The following STK32A variants were observed in gnomAD, a reference collection of about 807,000 sequenced individuals.
STK32A encodes serine/threonine kinase 32A, also known as serine/threonine-protein kinase 32A.
In STK32A, 41 loss-of-function variants were observed where a neutral mutation model predicts 53.2. The ratio of observed to expected loss-of-function variants is 0.77; its 90% CI spans 0.60 to 1.00. The LOEUF (loss-of-function observed/expected upper bound fraction) is 1.00, where lower values mean the gene tolerates loss of function less well. Ranked by LOEUF, STK32A falls within the 50% of genes least tolerant of loss-of-function variation. The pLI, the probability that STK32A is intolerant of heterozygous loss-of-function variation, is 0.00. For synonymous variants in STK32A, 166 were observed against 162.8 expected (o/e 1.02, Z -0.15); for missense variants, 458 against 485.8 (o/e 0.94, Z 0.54).
chr5:147,279,289 A>G lies in STK32A; in HGVS notation c.151A>G (p.Met51Val), dbSNP rs776683946. The G allele has an allele frequency of 1.9e-6, 3 of 1,613,874 alleles. No individual in the cohort carries two copies. The highest frequency in any genetic ancestry group is 1.7e-6 in the Non-Finnish European group (2 of 1,179,890). The change falls in exon 4 of 13, where the codon ATG (methionine) becomes GTG (valine). Residue 51 changes from methionine to valine, a missense_variant. Met to Val is a conservative substitution (Grantham distance 21). Coordinates refer to ENST00000397936, the MANE Select transcript of STK32A (RefSeq NM_001112724.2). ...QKNDTKKMYA[M>V]KYMNKQKCVE... The stretch of plus-strand genomic sequence containing the variant: ...GAATGATACCAAGAAGATGTACGCA[A>G]TGAAGTACATGAATAAACAAAAGTG...
the STK32A span, among the ~76,000 whole-genome samples, chr5:147,400,109 T>G: frequency 6.6e-6 from 1 of 152,220 alleles, no homozygotes; most frequent in Non-Finnish European, 1.5e-5. Context: ...AATAATGAGA[T>G]AATTATTGAT....
rs186580113 is a variant in STK32A, at chr5:147,303,183, A to G, written c.261-20715A>G. On this transcript the variant is annotated intron_variant, in intron 4 of 12. Coordinates refer to ENST00000397936, the MANE Select transcript of STK32A (RefSeq NM_001112724.2). Reference sequence around the variant, plus strand: ...TAGACGTGCTTTTAGATTAAGAATTAGATGCATTATGACAGATTTTGCTAT... The same window carrying G: ...TAGACGTGCTTTTAGATTAAGAATTGGATGCATTATGACAGATTTTGCTAT... Among the ~76,000 whole-genome samples, 551 of 152,362 alleles carry G rather than the reference A, an allele frequency of 3.6e-3. 7 individuals carry two copies. The Middle Eastern group carries it at 0.041, about 11-fold the overall frequency.
chr5:147,346,368 C>T (rs1187897150), intron 6 of STK32A, among the ~76,000 whole-genome samples: 1 of 152,150 alleles, frequency 6.6e-6, no homozygotes, highest in African/African-American at 2.4e-5. Flanking sequence ...GCCCCCTATG[C>T]GCATCCCTAC....
intron 5 of STK32A, among the ~76,000 whole-genome samples, chr5:147,341,782 T>C (rs1755425328): frequency 6.6e-6 from 1 of 152,204 alleles, no homozygotes; most frequent in South Asian, 2.1e-4. Flanking sequence ...AACATTGTAT[T>C]ATATACCAGA....
chr5:147,401,626 G>A, the STK32A span: 1 of 1,614,114 alleles, frequency 6.2e-7, no homozygotes, highest in Non-Finnish European at 8.5e-7. Context: ...CCTTGGCCCA[G>A]TTCTTGCTCC....
the STK32A span, among the ~76,000 whole-genome samples, chr5:147,398,304 G>A: frequency 6.6e-6 from 1 of 152,144 alleles, no homozygotes. Flanking sequence ...CAATCAGCAA[G>A]AGGCATTACT....
chr5:147,311,768 T>G (rs1367023873), intron 4 of STK32A, among the ~76,000 whole-genome samples: 1 of 152,158 alleles, frequency 6.6e-6, no homozygotes, highest in Non-Finnish European at 1.5e-5. Context: ...AAAACACACC[T>G]TTTTAAGACT....
intron 7 of STK32A, among the ~76,000 whole-genome samples, chr5:147,359,729 C>T (rs1201007826): frequency 1.3e-5 from 2 of 152,116 alleles, no homozygotes; most frequent in Admixed American, 1.3e-4. Context: ...CCAAATTGCA[C>T]TGGGGGCTGT....
At chr5:147,289,891 C>A (rs573325438) in intron 4 of STK32A, among the ~76,000 whole-genome samples, 1 of 151,952 alleles carries the variant, frequency 6.6e-6, no homozygotes, top group African/African-American at 2.4e-5. Context: ...TACTGAGCAT[C>A]GAAAACAAGT....
At chr5:147,334,408 G>A (rs907620046) in intron 5 of STK32A, among the ~76,000 whole-genome samples, 2 of 152,126 alleles carry the variant, frequency 1.3e-5, no homozygotes, top group South Asian at 2.1e-4. Context: ...TATGGATGGC[G>A]TCCATTCTTA....
the STK32A span, among the ~76,000 whole-genome samples, chr5:147,398,382 T>C: frequency 6.6e-6 from 1 of 152,234 alleles, no homozygotes; most frequent in South Asian, 2.1e-4. Context: ...AGCTTCACCA[T>C]TCGCTTGCTG....
At chr5:147,371,541 T>C (rs1757006996) in intron 9 of STK32A, among the ~76,000 whole-genome samples, 1 of 152,216 alleles carries the variant, frequency 6.6e-6, no homozygotes, top group South Asian at 2.1e-4. Context: ...CAATCCTAGT[T>C]CCTCCAGTTC....
chr5:147,343,141 G>A, intron 6 of STK32A, 98 bp downstream of exon 6: 5 of 1,342,106 alleles, frequency 3.7e-6, no homozygotes, highest in Non-Finnish European at 5.3e-6. Flanking sequence ...AAGGTATTTT[G>A]TTCTATTCAT....
the STK32A span, chr5:147,401,696 C>T: frequency 6.2e-7 from 1 of 1,613,988 alleles, no homozygotes; most frequent in Non-Finnish European, 8.5e-7. Context: ...GACTACATTT[C>T]CTAGAAGGGG....
chr5:147,239,260 G>C (rs968392032), intron 1 of STK32A, among the ~76,000 whole-genome samples: 1 of 152,160 alleles, frequency 6.6e-6, no homozygotes, highest in African/African-American at 2.4e-5. Flanking sequence ...TTTTATAGTT[G>C]TTGAATAAAG....
At chr5:147,308,606 T>A (rs1384754458) in intron 4 of STK32A, among the ~76,000 whole-genome samples, 2 of 152,192 alleles carry the variant, frequency 1.3e-5, no homozygotes, top group Admixed American at 1.3e-4. Context: ...TGTCTCTTTT[T>A]CCCGAGTTCA....
intron 11 of STK32A, 143 bp from the exon 12 acceptor site, chr5:147,383,298 C>G: frequency 1.4e-6 from 1 of 706,554 alleles, no homozygotes. Flanking sequence ...ATCTTCTTCA[C>G]ATAGCATCCA....
At chr5:147,294,681 C>CTTTTTTCT (rs1472328300) in intron 4 of STK32A, among the ~76,000 whole-genome samples, 1 of 142,528 alleles carries the variant, frequency 7.0e-6, no homozygotes, top group South Asian at 2.6e-4. Flanking sequence ...TTTTTTTTTT[C>CTTTTTTCT]TTTTTTCTTT....
At chr5:147,284,691 C>CAAAAAAAAAAAA (rs1401748709) in intron 4 of STK32A, among the ~76,000 whole-genome samples, 1 of 61,418 alleles carries the variant, frequency 1.6e-5, no homozygotes. Context: ...CAAAACAAGA[C>CAAAAAAAAAAAA]AAAACAAAAA....
Sources: gnomAD v4.1 joint callset for allele counts (sites outside exome capture counted in the v4.1 genomes callset) on GRCh38, gnomAD v4.1.1 for gene constraint, MANE v1.5 for transcripts, NCBI Gene and HGNC (gene_info 2026-07-23, HGNC 2026-07-21) for gene names.